The following PIEZO2 variants were observed in gnomAD, a reference collection of about 807,000 sequenced individuals.
The protein encoded by PIEZO2 is piezo type mechanosensitive ion channel component 2.
In PIEZO2, 172 loss-of-function variants were observed where a neutral mutation model predicts 337.3. That is an observed-to-expected ratio of 0.51 (90% CI 0.45 to 0.58). The LOEUF is 0.58. PIEZO2 is among the 20% of genes least tolerant of loss of function. The pLI is 0.00. For missense variants in PIEZO2, 3,028 were observed against 3,391.3 expected, an observed-to-expected ratio of 0.89 and a Z score of 2.66; for synonymous variants, 1,251 against 1,228.5, an observed-to-expected ratio of 1.02 and a Z score of -0.38.
chr18:10,776,156 G>A (rs1265289181), intron 18 of PIEZO2, among the ~76,000 whole-genome samples: 1 of 151,964 alleles, frequency 6.6e-6, no homozygotes, highest in African/African-American at 2.4e-5. Context: ...TGTTTTTAGA[G>A]GCCATAGAGA....
chr18:10,943,006 C>T lies in PIEZO2; in HGVS notation c.287-31778G>A, dbSNP rs968721095. Among the ~76,000 whole-genome samples, 1 of 152,156 alleles carries T rather than the reference C, an allele frequency of 6.6e-6. No individual in the cohort carries two copies. Among genetic ancestry groups the T allele is most frequent in the African/African-American group, 2.4e-5 (1 of 41,432 alleles). ...CTTCCACATGGTGTTGAGTAGTCTG[C>T]GAGTGCACAAAAGTAAAGAACTGGG... is the stretch of plus-strand genomic sequence containing the variant. On this transcript the variant is annotated intron_variant, in intron 3 of 55. Transcript: ENST00000674853. This position sits in a 1 kb window ranked among gnomAD's most constrained non-coding sequence, Gnocchi z 4.5.
intron 2 of PIEZO2, among the ~76,000 whole-genome samples, chr18:11,051,659 A>G (rs944585213): frequency 6.6e-6 from 1 of 152,190 alleles, no homozygotes; most frequent in Non-Finnish European, 1.5e-5. Flanking sequence ...TCCAGCAGAG[A>G]GTAAATGTCA....
At chr18:10,725,387 C>A in intron 36 of PIEZO2, 1 of 1,606,046 alleles carries the variant, frequency 6.2e-7, no homozygotes, top group Non-Finnish European at 8.5e-7. Flanking sequence ...TGGAGAACAG[C>A]CGGCCCACAT....
chr18:10,700,344 A>AT (rs2035278976), intron 43 of PIEZO2, among the ~76,000 whole-genome samples: 1 of 152,004 alleles, frequency 6.6e-6, no homozygotes, highest in African/African-American at 2.4e-5. Context: ...TGAAAGATTT[A>AT]TTTTTTCAAA....
Position 10,785,496 on chromosome 18 carries a change from T to C in PIEZO2, c.2319-539A>G, listed in dbSNP as rs187604255. Among the ~76,000 whole-genome samples, 7 of 152,328 alleles carry C rather than the reference T, an allele frequency of 4.6e-5. No individual in the cohort carries two copies. In the East Asian group the frequency reaches 1.3e-3, roughly 29 times the overall value. ...AATTGGTTGTTTCACAGTTATTTTA[T>C]ATTAGTGCTTCCAAAACAGTATTCT... On this transcript the variant is annotated intron_variant, in intron 16 of 55. Coordinates refer to ENST00000674853, the MANE Select transcript of PIEZO2 (RefSeq NM_001378183.1).
At chr18:11,008,490 A>C (rs2145642605) in intron 2 of PIEZO2, among the ~76,000 whole-genome samples, 1 of 152,298 alleles carries the variant, frequency 6.6e-6, no homozygotes, top group East Asian at 1.9e-4. Context: ...CCCAGTTCCC[A>C]GATTGCTTGC....
At chr18:11,062,246 A>G (rs1022155094) in intron 2 of PIEZO2, among the ~76,000 whole-genome samples, 18 of 152,054 alleles carry the variant, frequency 1.2e-4, no homozygotes, top group African/African-American at 4.3e-4. Flanking sequence ...TACACCTTAT[A>G]CAAAAATTAA....
At chr18:10,785,100 G>GGGA in intron 16 of PIEZO2, 143 bp from the exon 17 acceptor site, 3 of 880,328 alleles carry the variant, frequency 3.4e-6, no homozygotes, top group Non-Finnish European at 4.8e-6. Flanking sequence ...GGTCCAATAT[G>GGGA]GCTTTCGTTT....
chr18:10,696,654 C>T (rs2035102978), intron 45 of PIEZO2, 115 bp from the exon 46 acceptor site: 1 of 1,195,252 alleles, frequency 8.4e-7, no homozygotes, highest in Middle Eastern at 2.9e-4. Context: ...CCAGTCAGGT[C>T]CCACCTTCCT....
At chr18:11,037,361 A>G (rs2036960241) in intron 2 of PIEZO2, among the ~76,000 whole-genome samples, 1 of 152,238 alleles carries the variant, frequency 6.6e-6, no homozygotes, top group African/African-American at 2.4e-5. Flanking sequence ...AACAGAAATG[A>G]AAACGTTTAT....
chr18:11,049,780 C>T (rs1319438544), intron 2 of PIEZO2, among the ~76,000 whole-genome samples: 2 of 152,180 alleles, frequency 1.3e-5, no homozygotes, highest in East Asian at 3.8e-4. Context: ...TCGCCTCCCA[C>T]CATGATTGTG....
chr18:11,076,985 T>C (rs1383603272), intron 1 of PIEZO2, among the ~76,000 whole-genome samples: 2 of 152,244 alleles, frequency 1.3e-5, no homozygotes, highest in Non-Finnish European at 2.9e-5. Context: ...TCTTCCATAA[T>C]TGTCTCTGAT....
rs189874523 is a variant in PIEZO2 at position 11,112,702 on chromosome 18, G to A, written c.64+35823C>T. On this transcript the variant is annotated intron_variant, in intron 1 of 55. Transcript: ENST00000674853. The surrounding 1 kb of genome is among the most constrained non-coding windows in gnomAD (Gnocchi z 4.3). ...ACCTATATAACTTTCTGAAAATAAT[G>A]CAAGTGACACCTGGTGTTCTACTGT... 2.0e-5 allele frequency among the ~76,000 whole-genome samples: 3 copies of A among 152,320 alleles called. No individual in the cohort carries two copies. The highest frequency in any genetic ancestry group is 3.9e-4 in the East Asian group (2 of 5,190).
chr18:10,977,451 T>G (rs188049540), intron 3 of PIEZO2, among the ~76,000 whole-genome samples: 41 of 152,256 alleles, frequency 2.7e-4, no homozygotes, highest in Non-Finnish European at 4.9e-4. Context: ...TTCTTCCTTA[T>G]GGTCCTGAGA....
At chr18:10,944,470 TTATATATATCTTAGTAACATATATATA>T (rs1394738477) in intron 3 of PIEZO2, among the ~76,000 whole-genome samples, 1 of 143,086 alleles carries the variant, frequency 7.0e-6, no homozygotes, top group Non-Finnish European at 1.5e-5. Flanking sequence ...CAGTGACAGA[TTATATATATCTTAGTAACATATATATA>T]TATATATATC....
In PIEZO2 at chr18:11,127,584, C is replaced by T. The variant is rs2040216420; in HGVS notation, c.64+20941G>A. Among the ~76,000 whole-genome samples the T allele has an allele frequency of 6.6e-6, 1 of 152,060 alleles. No homozygotes were observed. Among genetic ancestry groups the T allele is most frequent in the Non-Finnish European group, 1.5e-5 (1 of 68,024 alleles). Reference sequence around the variant, plus strand: ...CTCGAACATCAGGCTCCAAGTTCTTCAGTTTCGAGACTCAGACTGGCTCTC... The same window carrying T: ...CTCGAACATCAGGCTCCAAGTTCTTTAGTTTCGAGACTCAGACTGGCTCTC... On this transcript the variant is annotated intron_variant, in intron 1 of 55. Transcript: ENST00000674853. This position sits in a 1 kb window ranked among gnomAD's most constrained non-coding sequence, Gnocchi z 4.5.
intron 1 of PIEZO2, among the ~76,000 whole-genome samples, chr18:11,137,455 G>T (rs1434453754): frequency 6.6e-6 from 1 of 152,170 alleles, no homozygotes; most frequent in South Asian, 2.1e-4. Flanking sequence ...TCTTAGCCTT[G>T]AACACCTCAT....
Position 10,807,258 on chromosome 18 carries a change from A to C in PIEZO2, c.934T>G (p.Ser312Ala), listed in dbSNP as rs1422854879. The C allele has an allele frequency of 6.5e-7, 1 of 1,536,442 alleles. No homozygotes were observed. Among genetic ancestry groups the C allele is most frequent in the Non-Finnish European group, 8.7e-7 (1 of 1,146,306 alleles). ...CTTGAACAGTCCGTTTGAATTACTG[A>C]CTTGATACCAAACAACCTGTTAAAA... ...DYYARLFGIK[S>A]VIQTDCSSTW... The change falls in exon 8 of 56, where the codon TCA (serine) becomes GCA (alanine). Residue 312 changes from serine (S) to alanine (A), a missense_variant. Coordinates refer to ENST00000674853, the MANE Select transcript of PIEZO2 (RefSeq NM_001378183.1).
intron 11 of PIEZO2, among the ~76,000 whole-genome samples, chr18:10,797,759 A>G (rs959153634): frequency 1.6e-4 from 24 of 152,218 alleles, no homozygotes; most frequent in Non-Finnish European, 2.5e-4. Flanking sequence ...GTAAGAAGAT[A>G]CGGAATGAAG....
Sources: allele counts gnomAD v4.1 joint callset (sites outside exome capture counted in the v4.1 genomes callset), GRCh38; gene constraint gnomAD v4.1.1; non-coding constraint Gnocchi (gnomAD v3.1); transcripts MANE v1.5; gene names NCBI Gene and HGNC (gene_info 2026-07-23, HGNC 2026-07-21).